The following CXCL13 variants were observed in gnomAD, a reference collection of about 807,000 sequenced individuals.
CXCL13 encodes C-X-C motif chemokine ligand 13.
A neutral mutation model predicts 12.2 loss-of-function variants in CXCL13; 7 were observed. That is an observed-to-expected ratio of 0.57 (90% CI 0.33 to 1.07). The LOEUF is 1.07. Among genes scored for constraint, CXCL13 ranks in the 50% least tolerant of loss-of-function variants. The probability of loss-of-function intolerance (pLI) is 0.04; values close to 1 mark genes in which losing one functional copy is unlikely to be tolerated. For missense variants in CXCL13, 113 were observed against 127.4 expected (o/e 0.89, Z 0.55); for synonymous variants, 47 against 42.4 (o/e 1.11, Z -0.42).
In CXCL13 at chr4:77,610,728, A is replaced by G. The variant is rs376167443; in HGVS notation, c.278+34A>G. 3.0e-5 allele frequency: 45 copies of G among 1,481,404 alleles called. 1 individual carries two copies. The African/African-American group carries it at 3.6e-4, about 12-fold the overall frequency. 91.8% of individuals were successfully genotyped at this position (1,481,404 alleles called of 1,614,324 possible). On this transcript the variant is annotated intron_variant, in intron 3 of 3. Transcript: ENST00000682537. ...GGCATAACAAGGGGTTTCAGATTCC[A>G]ACTTGTACTGAAGAGTTTCCCTTTC... is the stretch of plus-strand genomic sequence containing the variant.
intron 1 of CXCL13, among the ~76,000 whole-genome samples, chr4:77,521,587 T>C (rs1281041093): frequency 6.6e-6 from 1 of 152,144 alleles, no homozygotes; most frequent in Non-Finnish European, 1.5e-5. Context: ...TTTTATTGTG[T>C]CTATTTGTTT....
chr4:77,521,381 C>T (rs186976223), intron 1 of CXCL13, among the ~76,000 whole-genome samples: 3 of 152,252 alleles, frequency 2.0e-5, no homozygotes, highest in Admixed American at 2.0e-4. Flanking sequence ...TTAATTATTG[C>T]CTCAATTTCA....
At chr4:77,569,730 C>T (rs1025400104) in intron 1 of CXCL13, among the ~76,000 whole-genome samples, 53 of 152,296 alleles carry the variant, frequency 3.5e-4, no homozygotes, top group Non-Finnish European at 6.5e-4. Flanking sequence ...AATGCTATTC[C>T]TATTAAACTA....
At chr4:77,517,180 T>C (rs1724444282) in intron 1 of CXCL13, among the ~76,000 whole-genome samples, 1 of 152,206 alleles carries the variant, frequency 6.6e-6, no homozygotes, top group East Asian at 1.9e-4. Flanking sequence ...GATAGTTTGT[T>C]ATAATGTCTG....
chr4:77,553,832 A>G (rs553299596), intron 1 of CXCL13, among the ~76,000 whole-genome samples: 39 of 152,324 alleles, frequency 2.6e-4, no homozygotes, highest in African/African-American at 8.4e-4. Context: ...TTTTTTTAAA[A>G]AGCAAAATCC....
intron 1 of CXCL13, among the ~76,000 whole-genome samples, chr4:77,547,910 T>G (rs1052554261): frequency 4.6e-5 from 7 of 152,172 alleles, no homozygotes; most frequent in African/African-American, 1.7e-4. Context: ...CTTCAGGAGC[T>G]CTTGTAAGGC....
At chr4:77,514,911 G>A (rs555270361) in intron 1 of CXCL13, among the ~76,000 whole-genome samples, 2 of 152,276 alleles carry the variant, frequency 1.3e-5, no homozygotes, top group African/African-American at 4.8e-5. Context: ...TAATGTCTAG[G>A]TTTTCTTCTA....
intron 1 of CXCL13, among the ~76,000 whole-genome samples, chr4:77,528,826 T>C (rs1471013314): frequency 2.0e-5 from 3 of 152,240 alleles, no homozygotes; most frequent in Non-Finnish European, 2.9e-5. Flanking sequence ...CCATTGCTTT[T>C]GGTGTTTTAG....
intron 2 of CXCL13, among the ~76,000 whole-genome samples, chr4:77,609,750 C>G (rs1369354511): frequency 6.6e-6 from 1 of 152,224 alleles, no homozygotes; most frequent in Non-Finnish European, 1.5e-5. Flanking sequence ...GCATTTAACA[C>G]TATATCTGGC....
Position 77,606,010 on chromosome 4 carries a change from C to A in CXCL13, c.64+81C>A, listed in dbSNP as rs955013399. 59 of 962,144 alleles carry A rather than the reference C, an allele frequency of 6.1e-5. No individual in the cohort carries two copies. The South Asian group carries it at 1.1e-3, about 19-fold the overall frequency. The allele number at this position is 962,144 out of a possible 1,614,324, so 59.6% of individuals were successfully genotyped here. On this transcript the variant is annotated intron_variant, in intron 1 of 3. Coordinates refer to ENST00000682537, the MANE Select transcript of CXCL13 (RefSeq NM_001371558.1). ...CTTCAATTTTCTTTCGATTAAAAAC[C>A]GCAGGGAAGTCTGACTAAAGGGGGA...
At chr4:77,520,209 G>T (rs1323779405) in intron 1 of CXCL13, among the ~76,000 whole-genome samples, 2 of 152,072 alleles carry the variant, frequency 1.3e-5, no homozygotes, top group African/African-American at 4.8e-5. Context: ...CTCTTTTTTG[G>T]TTCCATATGA....
intron 1 of CXCL13, among the ~76,000 whole-genome samples, chr4:77,527,362 G>A (rs1724793605): frequency 6.6e-6 from 1 of 152,220 alleles, no homozygotes; most frequent in Non-Finnish European, 1.5e-5. Flanking sequence ...ACTGGGCACA[G>A]TGACTCATGC....
At chr4:77,544,929 G>T (rs1004485743) in intron 1 of CXCL13, among the ~76,000 whole-genome samples, 21 of 152,116 alleles carry the variant, frequency 1.4e-4, no homozygotes, top group South Asian at 2.1e-4. Flanking sequence ...TTGTATAAGG[G>T]GTAAGGAAGG....
At chr4:77,565,204 A>C (rs1725899585) in intron 1 of CXCL13, among the ~76,000 whole-genome samples, 1 of 152,242 alleles carries the variant, frequency 6.6e-6, no homozygotes, top group Non-Finnish European at 1.5e-5. Flanking sequence ...ATTTGTTTGC[A>C]AAAAGAAGAT....
At chr4:77,545,453 G>T (rs1049993326) in intron 1 of CXCL13, among the ~76,000 whole-genome samples, 1 of 152,078 alleles carries the variant, frequency 6.6e-6, no homozygotes, top group Non-Finnish European at 1.5e-5. Context: ...TCCTTGAAGA[G>T]GTCCTTCACA....
intron 1 of CXCL13, among the ~76,000 whole-genome samples, chr4:77,574,176 T>A (rs1396317841): frequency 6.6e-6 from 1 of 151,896 alleles, no homozygotes; most frequent in African/African-American, 2.4e-5. Flanking sequence ...TGTTTTTTGT[T>A]GTTTGTTTGT....
chr4:77,555,826 T>C (rs1249066648), intron 1 of CXCL13, among the ~76,000 whole-genome samples: 2 of 152,168 alleles, frequency 1.3e-5, no homozygotes, highest in African/African-American at 4.8e-5. Context: ...CATTTGACAT[T>C]TTAAAAAGAT....
chr4:77,573,250 TA>T (rs201038732), intron 1 of CXCL13, among the ~76,000 whole-genome samples: 6 of 151,546 alleles, frequency 4.0e-5, no homozygotes, highest in Admixed American at 6.6e-5. Context: ...AAGTTAAATT[TA>T]AAAAAAAGAA....
At chr4:77,528,101 A>T (rs1224426941) in intron 1 of CXCL13, among the ~76,000 whole-genome samples, 2 of 152,160 alleles carry the variant, frequency 1.3e-5, no homozygotes, top group African/African-American at 2.4e-5. Context: ...CCTATAAAGA[A>T]CATGAACTCA....
Sources: gnomAD v4.1 joint callset for allele counts (sites outside exome capture counted in the v4.1 genomes callset) on GRCh38, gnomAD v4.1.1 for gene constraint, MANE v1.5 for transcripts, NCBI Gene and HGNC (gene_info 2026-07-23, HGNC 2026-07-21) for gene names.